The following ZNF596 variants were observed in gnomAD, a reference collection of about 807,000 sequenced individuals.
ZNF596 encodes zinc finger protein 596.
A neutral mutation model predicts 48.3 loss-of-function variants in ZNF596; 45 were observed. That is an observed-to-expected ratio of 0.93 (90% CI 0.73 to 1.19). The LOEUF is 1.19. ZNF596 is among the 50% of genes most tolerant of loss of function. The probability of loss-of-function intolerance (pLI) is 0.00; values close to 1 mark genes in which losing one functional copy is unlikely to be tolerated. For synonymous variants in ZNF596, 270 were observed against 202.0 expected (o/e 1.34, Z -2.85); for missense variants, 848 against 599.7 (o/e 1.41, Z -4.32).
rs373233097 is a variant in ZNF596 at position 244,648 on chromosome 8, A to G, written c.253A>G (p.Ile85Val). The part of the protein sequence containing the change: ...GREVGIKHQE[I>V]PFIQHIYQKG... Reference sequence around the variant, plus strand: ...AGAAGTTGGCATTAAACATCAAGAGATACCATTCATTCAACATATCTATCA... The same window carrying G: ...AGAAGTTGGCATTAAACATCAAGAGGTACCATTCATTCAACATATCTATCA... Residue 85 changes from isoleucine (I) to valine (V), a missense_variant, in exon 5 of 6, where the codon ATA becomes GTA. Ile to Val is a conservative substitution (Grantham distance 29). Coordinates refer to ENST00000398612, the MANE Select transcript of ZNF596 (RefSeq NM_001042416.3). 1 of 1,613,220 alleles carries G rather than the reference A, an allele frequency of 6.2e-7. No homozygotes were observed. Among genetic ancestry groups the G allele is most frequent in the Admixed American group, 1.7e-5 (1 of 59,910 alleles).
chr8:241,084 C>T (rs1281183230), intron 2 of ZNF596, among the ~76,000 whole-genome samples, 177 bp downstream of exon 2: 6 of 152,194 alleles, frequency 3.9e-5, no homozygotes, highest in Non-Finnish European at 8.8e-5. Flanking sequence ...AAGTAATGTC[C>T]TTTCAACAGT....
chr8:235,618 A>G (rs1473682898), intron 1 of ZNF596, among the ~76,000 whole-genome samples: 1 of 152,136 alleles, frequency 6.6e-6, no homozygotes, highest in African/African-American at 2.4e-5. Flanking sequence ...TTTTTGATGT[A>G]TATTAGATGC....
intron 1 of ZNF596, chr8:234,206 A>G (rs1308407460): frequency 6.6e-6 from 1 of 152,328 alleles, no homozygotes; most frequent in Non-Finnish European, 1.5e-5. Context: ...CACTGTGCTC[A>G]GCAGGTACTA....
At chr8:237,653 CTA>C (rs1371180469) in intron 1 of ZNF596, 2 of 152,054 alleles carry the variant, frequency 1.3e-5, no homozygotes, top group African/African-American at 2.4e-5. Flanking sequence ...TTAAATTACT[CTA>C]TCATGTTTGT....
At chr8:232,879 G>C in intron 1 of ZNF596, 185 bp downstream of exon 1, 1 of 465,466 alleles carries the variant, frequency 2.1e-6, no homozygotes, top group Non-Finnish European at 4.5e-6. Context: ...ACAGGACCCT[G>C]AGTCCGAGAC....
intron 1 of ZNF596, among the ~76,000 whole-genome samples, chr8:240,105 T>G (rs1399944322): frequency 6.6e-6 from 1 of 152,238 alleles, no homozygotes; most frequent in African/African-American, 2.4e-5. Flanking sequence ...AAACTATCTA[T>G]TTCTTACAAC....
intron 2 of ZNF596, among the ~76,000 whole-genome samples, chr8:241,431 T>C (rs1481535427): frequency 1.3e-5 from 2 of 152,174 alleles, no homozygotes; most frequent in Admixed American, 1.3e-4. Flanking sequence ...ATTTTTCCTA[T>C]CTCAAAATCT....
chr8:233,737 T>A (rs1330134283), intron 1 of ZNF596: 1 of 152,260 alleles, frequency 6.6e-6, no homozygotes, highest in East Asian at 1.9e-4. Flanking sequence ...AATAATTACA[T>A]CTTTTTAAGG....
At chr8:232,215 C>A (rs1796424440), upstream of ZNF596, 2 of 157,064 alleles carry the variant, frequency 1.3e-5, no homozygotes, top group Admixed American at 1.3e-4. Context: ...GCGCTTTCAA[C>A]CGGCGGAGAC....
chr8:240,197 T>C (rs1340810333), intron 1 of ZNF596: 1 of 152,246 alleles, frequency 6.6e-6, no homozygotes, highest in Non-Finnish European at 1.5e-5. Context: ...TTAGCATTTC[T>C]TGTAAGGTAT....
In ZNF596 at chr8:245,150, C is replaced by G. The variant is rs1797010963; in HGVS notation, c.307-4C>G. On this transcript the variant is annotated splice_polypyrimidine_tract_variant and splice_region_variant and intron_variant, in intron 5 of 5. Coordinates refer to ENST00000398612, the MANE Select transcript of ZNF596 (RefSeq NM_001042416.3). ...ATAGTCTTTCATTTCATTCCCAAAA[C>G]CAGAGATCTCATACTCAAGAGGATC... 1 of 1,566,324 alleles carries G rather than the reference C, an allele frequency of 6.4e-7. No homozygotes were observed. The highest frequency in any genetic ancestry group is 2.3e-5 in the East Asian group (1 of 44,388).
At chr8:243,267 C>T in intron 3 of ZNF596, 1 of 340,128 alleles carries the variant, frequency 2.9e-6, no homozygotes, top group Non-Finnish European at 5.4e-6. Context: ...GCTCTTTAAT[C>T]TCCCAAACTC....
intron 1 of ZNF596, chr8:234,711 C>T (rs1796554181): frequency 6.6e-6 from 1 of 152,202 alleles, no homozygotes; most frequent in Non-Finnish European, 1.5e-5. Context: ...ATAGCCTTCC[C>T]TTAACGTCCT....
chr8:241,795 A>T (rs957768958), intron 2 of ZNF596, among the ~76,000 whole-genome samples: 11 of 152,206 alleles, frequency 7.2e-5, no homozygotes, highest in Non-Finnish European at 1.3e-4. Flanking sequence ...GAAGAAAAGA[A>T]GTTTAACTGA....
rs962957390 is a variant in ZNF596, at chr8:246,028, A to G, written c.1181A>G (p.His394Arg). ...ACTGGAGAGAAACCATATGAGTGCC[A>G]TGTATGTGGGAAAGCCTTCACTGAA... is the stretch of plus-strand genomic sequence containing the variant. ...IHTGEKPYECHVCGKAFTESS... is the reference protein window; with the variant it reads ...IHTGEKPYECRVCGKAFTESS... Residue 394 changes from histidine to arginine, a missense_variant, in exon 6 of 6, where the codon CAT (histidine) becomes CGT (arginine). By Grantham distance (29) the His-to-Arg change is conservative. Coordinates refer to ENST00000398612, the MANE Select transcript of ZNF596 (RefSeq NM_001042416.3). 2 of 1,613,974 alleles carry G rather than the reference A, an allele frequency of 1.2e-6. No homozygotes were observed. Among genetic ancestry groups the G allele is most frequent in the Non-Finnish European group, 1.7e-6 (2 of 1,180,016 alleles).
At chr8:232,403 G>C (rs561848525), upstream of ZNF596, 16 of 192,602 alleles carry the variant, frequency 8.3e-5, no homozygotes, top group Non-Finnish European at 1.8e-4. Context: ...CTCCGGAGCC[G>C]AGGTCCGCTC....
At position 245,481 on chromosome 8, in the gene ZNF596, C is replaced by T. The variant is rs145428583; in HGVS notation, c.634C>T (p.Arg212Ter). The part of the protein sequence containing the change: ...KTFSKNSNLR[R>*]HEMIHTGEKP... The stretch of plus-strand genomic sequence containing the variant: ...CTTTAGCAAAAATTCTAATCTTAGG[C>T]GACATGAGATGATTCACACTGGAGA... Residue 212 changes from arginine (R) to a stop codon, truncating the protein, a stop_gained, in exon 6 of 6, where the codon CGA (arginine) becomes TGA (stop). Coordinates refer to ENST00000398612, the MANE Select transcript of ZNF596 (RefSeq NM_001042416.3). LOFTEE classifies it high-confidence loss of function. The T allele has an allele frequency of 3.6e-5, 58 of 1,614,126 alleles. No individual in the cohort carries two copies. The highest frequency in any genetic ancestry group is 8.9e-5 in the East Asian group (4 of 44,878).
intron 1 of ZNF596, among the ~76,000 whole-genome samples, chr8:235,691 TTA>T (rs1243601731): frequency 1.3e-5 from 2 of 152,176 alleles, no homozygotes; most frequent in Non-Finnish European, 2.9e-5. Flanking sequence ...CGGTGTCTTA[TTA>T]TGTTTCTGCA....
rs2117128910 is a variant in ZNF596 at position 247,245 on chromosome 8, T to A, written c.*883T>A. 6.6e-6 allele frequency: 1 copy of A among 152,314 alleles called. No individual in the cohort carries two copies. The highest frequency in any genetic ancestry group is 2.1e-4 in the South Asian group (1 of 4,832). 9.4% of individuals were successfully genotyped at this position (152,314 alleles called of 1,614,324 possible). On this transcript the variant is annotated 3_prime_UTR_variant, in exon 6 of 6. Coordinates refer to ENST00000398612, the MANE Select transcript of ZNF596 (RefSeq NM_001042416.3). ...GAATAAAGACTTTCTACTTAAAATA[T>A]GTGGGTTGAAATGTACAATTCTGAA...
Sources: allele counts gnomAD v4.1 joint callset (sites outside exome capture counted in the v4.1 genomes callset), GRCh38; gene constraint gnomAD v4.1.1; transcripts MANE v1.5; gene names NCBI Gene and HGNC (gene_info 2026-07-23, HGNC 2026-07-21).